The following ULK4 variants were observed in gnomAD, a reference collection of about 807,000 sequenced individuals.
ULK4 encodes inactive serine/threonine-protein kinase ULK4.
In ULK4, 133 loss-of-function variants were observed where a neutral mutation model predicts 160.6. The ratio of observed to expected loss-of-function variants is 0.83; its 90% confidence interval spans 0.72 to 0.96. ULK4 has a LOEUF of 0.96. Among genes scored for constraint, ULK4 ranks in the 40% least tolerant of loss-of-function variants. The pLI, the probability that ULK4 is intolerant of heterozygous loss-of-function variation, is 0.00. For synonymous variants in ULK4, 534 were observed against 539.8 expected (o/e 0.99, Z 0.15); for missense variants, 1,580 against 1,499.5 (o/e 1.05, Z -0.89).
At chr3:41,925,794 C>T (rs569084639) in intron 5 of ULK4, among the ~76,000 whole-genome samples, 4 of 151,958 alleles carry the variant, frequency 2.6e-5, no homozygotes, top group African/African-American at 7.2e-5. Context: ...CATGGAAGAG[C>T]GAACTGGGTG....
At chr3:41,448,469 A>G (rs2083354121) in intron 34 of ULK4, among the ~76,000 whole-genome samples, 1 of 152,220 alleles carries the variant, frequency 6.6e-6, no homozygotes. Flanking sequence ...AACATAAGAA[A>G]GGGTCCAATT....
chr3:41,762,488 C>T (rs1377437454), intron 21 of ULK4, among the ~76,000 whole-genome samples: 1 of 151,760 alleles, frequency 6.6e-6, no homozygotes, highest in Non-Finnish European at 1.5e-5. Context: ...ATTAAGATAC[C>T]ACCTCAGACT....
At chr3:41,816,856 G>A (rs1032326269) in intron 19 of ULK4, among the ~76,000 whole-genome samples, 1 of 152,176 alleles carries the variant, frequency 6.6e-6, no homozygotes, top group Non-Finnish European at 1.5e-5. Context: ...TATGTCAAAT[G>A]TTTGCGAAGA....
At chr3:41,835,536 T>C (rs967527975) in intron 18 of ULK4, among the ~76,000 whole-genome samples, 8 of 152,196 alleles carry the variant, frequency 5.3e-5, no homozygotes, top group African/African-American at 1.9e-4. Context: ...ACCAATGGTC[T>C]CCTCTTGCCT....
At chr3:41,772,246 C>CA (rs1413932310) in intron 21 of ULK4, among the ~76,000 whole-genome samples, 14 of 151,978 alleles carry the variant, frequency 9.2e-5, no homozygotes, top group South Asian at 6.2e-4. Flanking sequence ...GATAGAGACA[C>CA]AAAAAACCCT....
intron 34 of ULK4, among the ~76,000 whole-genome samples, chr3:41,441,024 G>T (rs548266799): frequency 6.6e-6 from 1 of 152,082 alleles, no homozygotes; most frequent in African/African-American, 2.4e-5. Context: ...CAGGCAAGTA[G>T]TGTCTTTTTT....
intron 18 of ULK4, among the ~76,000 whole-genome samples, chr3:41,821,121 A>G (rs1564716): frequency 0.25 from 38,728 of 152,042 alleles, 6,104 homozygotes; most frequent in African/African-American, 0.45. Context: ...AGAATCCCGT[A>G]CCCATCATTT....
intron 34 of ULK4, among the ~76,000 whole-genome samples, chr3:41,434,838 T>C (rs1224285163): frequency 6.6e-6 from 1 of 152,236 alleles, no homozygotes; most frequent in African/African-American, 2.4e-5. Flanking sequence ...TGTTTTAGTT[T>C]GAATTGACTT....
chr3:41,660,064 C>G (rs542190063), intron 30 of ULK4, among the ~76,000 whole-genome samples: 1 of 152,186 alleles, frequency 6.6e-6, no homozygotes, highest in South Asian at 2.1e-4. Context: ...GCAAGGTGGG[C>G]GTATCACCTG....
At chr3:41,334,646 T>G (rs573575689) in intron 35 of ULK4, among the ~76,000 whole-genome samples, 1 of 152,236 alleles carries the variant, frequency 6.6e-6, no homozygotes, top group South Asian at 2.1e-4. Context: ...GCTCTCCAAA[T>G]GGGGCAGCAG....
rs180818581 is a variant in ULK4 at position 41,361,816 on chromosome 3, T to C, written c.3678+36263A>G. Among the ~76,000 whole-genome samples, 368 of 152,316 alleles carry C rather than the reference T, an allele frequency of 2.4e-3. 2 individuals carry two copies. Among genetic ancestry groups the C allele is most frequent in the African/African-American group, 8.6e-3 (356 of 41,580 alleles). On this transcript the variant is annotated intron_variant, in intron 35 of 36. Coordinates refer to ENST00000301831, the MANE Select transcript of ULK4 (RefSeq NM_017886.4). ...GCAAGTAAAATCTTTAAAGATAGAC[T>C]AGAATTTTGGTATTGTTTCTAGGGA...
At chr3:41,259,848 T>C (rs1043765184) in intron 35 of ULK4, 2 of 152,114 alleles carry the variant, frequency 1.3e-5, no homozygotes, top group East Asian at 1.9e-4. Flanking sequence ...TTTCTAATCA[T>C]GAGTTCCTCT....
At chr3:41,689,609 C>T (rs1176989147) in intron 27 of ULK4, among the ~76,000 whole-genome samples, 1 of 152,156 alleles carries the variant, frequency 6.6e-6, no homozygotes, top group Non-Finnish European at 1.5e-5. Context: ...AAACAAACAA[C>T]CCCATCAAAA....
intron 34 of ULK4, among the ~76,000 whole-genome samples, chr3:41,423,865 G>A (rs1032460507): frequency 1.3e-4 from 20 of 152,118 alleles, no homozygotes; most frequent in African/African-American, 3.1e-4. Flanking sequence ...GGATCTATGC[G>A]ACCCACAGAT....
chr3:41,424,923 T>C (rs557550285), intron 34 of ULK4, among the ~76,000 whole-genome samples: 1 of 145,470 alleles, frequency 6.9e-6, no homozygotes, highest in Admixed American at 6.9e-5. Context: ...CCAGCAAGGG[T>C]AGAGAACTGG....
intron 34 of ULK4, among the ~76,000 whole-genome samples, chr3:41,405,615 CCA>C (rs1422009734): frequency 8.5e-5 from 13 of 152,346 alleles, no homozygotes; most frequent in Admixed American, 7.2e-4. Context: ...CCTCTTTTCT[CCA>C]CAGTCTCACC....
intron 35 of ULK4, among the ~76,000 whole-genome samples, chr3:41,370,509 C>G (rs950078108): frequency 1.4e-4 from 22 of 152,162 alleles, no homozygotes; most frequent in Non-Finnish European, 2.8e-4. Flanking sequence ...CCACGGAGCA[C>G]AAGCCAAAGC....
chr3:41,489,580 C>A (rs1002965577), intron 32 of ULK4, among the ~76,000 whole-genome samples: 5 of 152,168 alleles, frequency 3.3e-5, no homozygotes, highest in Non-Finnish European at 5.9e-5. Flanking sequence ...CATGACCCCC[C>A]ACCTCAGTAG....
chr3:41,324,537 TCAGG>T (rs1559525221), intron 35 of ULK4, among the ~76,000 whole-genome samples: 4 of 152,126 alleles, frequency 2.6e-5, no homozygotes, highest in Non-Finnish European at 4.4e-5. Flanking sequence ...AAAACTACCA[TCAGG>T]TAGAGAGGAT....
Sources: gnomAD v4.1 joint callset for allele counts (sites outside exome capture counted in the v4.1 genomes callset) on GRCh38, gnomAD v4.1.1 for gene constraint, MANE v1.5 for transcripts, NCBI Gene and HGNC (gene_info 2026-07-23, HGNC 2026-07-21) for gene names.